The following DMRT1 variants were observed in gnomAD, a reference collection of about 807,000 sequenced individuals.
The protein encoded by DMRT1 is doublesex and mab-3 related transcription factor 1, also known as doublesex- and mab-3-related transcription factor 1.
In DMRT1, 7 loss-of-function variants were observed where a neutral mutation model predicts 32.3. The ratio of observed to expected loss-of-function variants is 0.22; its 90% CI spans 0.12 to 0.41. DMRT1 has a LOEUF of 0.41. Among genes scored for constraint, DMRT1 ranks in the 10% least tolerant of loss-of-function variants. DMRT1 has a pLI of 1.00. For missense variants in DMRT1, 625 were observed against 500.5 expected (o/e 1.25, Z -2.37); for synonymous variants, 278 against 206.1 (o/e 1.35, Z -2.99).
intron 2 of DMRT1, among the ~76,000 whole-genome samples, chr9:849,830 T>TC (rs144028617): frequency 0.45 from 63,745 of 142,738 alleles, 14,353 homozygotes; most frequent in Non-Finnish European, 0.52. Flanking sequence ...TCTCTCTCTC[T>TC]TTTTTTTTTT....
chr9:896,294 T>TA (rs200560521), intron 3 of DMRT1, among the ~76,000 whole-genome samples: 9 of 147,942 alleles, frequency 6.1e-5, no homozygotes, highest in South Asian at 2.2e-4. Flanking sequence ...TCTTTTTTTT[T>TA]TTTTTTTTTC....
rs192615083 is a variant in DMRT1, at chr9:855,548, T to C, written c.538+8405T>C. Among the ~76,000 whole-genome samples, 80 of 152,396 alleles carry C rather than the reference T, an allele frequency of 5.2e-4. 1 individual carries two copies. The highest frequency in any genetic ancestry group is 1.9e-3 in the African/African-American group (79 of 41,608). ...ACTAGGTAAGTGATCTGAACCCACC[T>C]GTAGACACCAGAGAATAAAACTATT... On this transcript the variant is annotated intron_variant, in intron 2 of 4. Transcript: ENST00000382276.
At chr9:928,555 G>T (rs545705120) in intron 4 of DMRT1, among the ~76,000 whole-genome samples, 3 of 152,246 alleles carry the variant, frequency 2.0e-5, no homozygotes, top group Admixed American at 6.5e-5. Flanking sequence ...ACAATCACAG[G>T]TGTATGGAAC....
At chr9:886,399 G>T (rs1816929750) in intron 2 of DMRT1, among the ~76,000 whole-genome samples, 1 of 152,198 alleles carries the variant, frequency 6.6e-6, no homozygotes, top group Admixed American at 6.5e-5. Flanking sequence ...GGGACTACAG[G>T]CACGGGCCAG....
chr9:967,158 AG>A (rs1819955520), intron 4 of DMRT1, among the ~76,000 whole-genome samples: 2 of 152,374 alleles, frequency 1.3e-5, no homozygotes, highest in African/African-American at 4.8e-5. Flanking sequence ...CACACTAGGC[AG>A]GAAGGGAGTT....
intron 3 of DMRT1, among the ~76,000 whole-genome samples, chr9:914,600 T>C (rs1818111068): frequency 7.4e-6 from 1 of 135,786 alleles, no homozygotes; most frequent in Non-Finnish European, 1.6e-5. Context: ...AAAAAAAGAT[T>C]TAATGTAATG....
At position 969,035 on chromosome 9, in the gene DMRT1, C is replaced by T. The variant is rs138381218; in HGVS notation, c.*896C>T. ...GAAATGAAACTAGTCTAAAAAAATT[C>T]ATTGTTCTACTTAGTTGCAGCTGTA... On this transcript the variant is annotated 3_prime_UTR_variant, in exon 5 of 5. Coordinates refer to ENST00000382276, the MANE Select transcript of DMRT1 (RefSeq NM_021951.3). The T allele has an allele frequency of 5.4e-4, 83 of 152,692 alleles. No homozygotes were observed. The highest frequency in any genetic ancestry group is 1.9e-3 in the African/African-American group (80 of 41,540). 9.5% of individuals were successfully genotyped at this position (152,692 alleles called of 1,614,324 possible). A position where few individuals can be genotyped will look rare whatever the true frequency, so the allele number is the denominator to read the frequency against.
chr9:905,593 G>C lies in DMRT1; in HGVS notation c.823-11170G>C, dbSNP rs79147300. Among the ~76,000 whole-genome samples the C allele has an allele frequency of 1.6e-3, 244 of 151,904 alleles. 2 individuals are homozygous for C. Among genetic ancestry groups the C allele is most frequent in the African/African-American group, 5.1e-3 (213 of 41,410 alleles). ...TGTATAATGGAAAGGTTTTTTGTTTGAGTCATTTGTTTGCAAACCCCGAAG... is the reference window on the plus strand; with the variant it reads ...TGTATAATGGAAAGGTTTTTTGTTTCAGTCATTTGTTTGCAAACCCCGAAG... On this transcript the variant is annotated intron_variant, in intron 3 of 4. Coordinates refer to ENST00000382276, the MANE Select transcript of DMRT1 (RefSeq NM_021951.3).
chr9:872,262 C>A (rs553711360), intron 2 of DMRT1, among the ~76,000 whole-genome samples: 22 of 152,030 alleles, frequency 1.4e-4, no homozygotes, highest in African/African-American at 5.1e-4. Flanking sequence ...AGGGTTTCAC[C>A]ATGTTGGCCA....
In DMRT1 at chr9:968,872, T is replaced by C. The variant is rs1348784500; in HGVS notation, c.*733T>C. ...CTTTCTACTACTGGAAAAAAATGGA[T>C]GCAGTCTGGACTGTTGTAACCTTAG... On this transcript the variant is annotated 3_prime_UTR_variant, in exon 5 of 5. Transcript: ENST00000382276. 1 of 152,712 alleles carries C rather than the reference T, an allele frequency of 6.5e-6. No homozygotes were observed. The highest frequency in any genetic ancestry group is 1.5e-5 in the Non-Finnish European group (1 of 68,094). 9.5% of individuals were successfully genotyped at this position (152,712 alleles called of 1,614,324 possible).
At chr9:945,545 T>G (rs1819214762) in intron 4 of DMRT1, among the ~76,000 whole-genome samples, 2 of 152,198 alleles carry the variant, frequency 1.3e-5, no homozygotes, top group Admixed American at 1.3e-4. Context: ...TGTATTTTTA[T>G]TCATCTAAAA....
intron 4 of DMRT1, among the ~76,000 whole-genome samples, chr9:920,494 T>C (rs920387611): frequency 1.3e-5 from 2 of 152,146 alleles, no homozygotes; most frequent in Non-Finnish European, 2.9e-5. Context: ...ATCAGTGACC[T>C]TCTGAGTGGT....
intron 3 of DMRT1, among the ~76,000 whole-genome samples, chr9:899,572 C>A (rs1817494186): frequency 6.6e-6 from 1 of 152,200 alleles, no homozygotes; most frequent in Non-Finnish European, 1.5e-5. Context: ...AGATTCCTGT[C>A]CTGTTGTGAA....
At chr9:869,798 G>A (rs1413920055) in intron 2 of DMRT1, among the ~76,000 whole-genome samples, 3 of 151,962 alleles carry the variant, frequency 2.0e-5, no homozygotes, top group Non-Finnish European at 1.5e-5. Flanking sequence ...ACAGTTAATA[G>A]TCTTTTCTCC....
chr9:870,184 G>A (rs188366651), intron 2 of DMRT1, among the ~76,000 whole-genome samples: 2 of 152,278 alleles, frequency 1.3e-5, no homozygotes, highest in Admixed American at 6.5e-5. Flanking sequence ...GATCACCTGA[G>A]GTCAGGAGTT....
chr9:891,788 T>A (rs1279721307), intron 2 of DMRT1, among the ~76,000 whole-genome samples: 1 of 151,964 alleles, frequency 6.6e-6, no homozygotes, highest in African/African-American at 2.4e-5. Flanking sequence ...CCTCCCAAAG[T>A]GCTGGGATTA....
intron 2 of DMRT1, among the ~76,000 whole-genome samples, chr9:880,039 G>A (rs147883474): frequency 9.9e-5 from 15 of 152,180 alleles, no homozygotes; most frequent in African/African-American, 3.4e-4. Flanking sequence ...CTCAAATTTC[G>A]GCAATAAATA....
chr9:849,927 G>C (rs1036146887), intron 2 of DMRT1, among the ~76,000 whole-genome samples: 1 of 152,096 alleles, frequency 6.6e-6, no homozygotes, highest in Non-Finnish European at 1.5e-5. Context: ...AGGTTCAAGC[G>C]ATACTCCTGC....
intron 4 of DMRT1, among the ~76,000 whole-genome samples, chr9:930,991 C>G (rs1358369125): frequency 6.6e-6 from 1 of 152,190 alleles, no homozygotes; most frequent in Non-Finnish European, 1.5e-5. Flanking sequence ...CCATCATCCC[C>G]AAAACAATCC....
Sources: gnomAD v4.1 joint callset for allele counts (sites outside exome capture counted in the v4.1 genomes callset) on GRCh38, gnomAD v4.1.1 for gene constraint, MANE v1.5 for transcripts, NCBI Gene and HGNC (gene_info 2026-07-23, HGNC 2026-07-21) for gene names.